PLCXD3: variants seen among roughly 807,000 people sequenced by gnomAD.
The protein encoded by PLCXD3 is phosphatidylinositol specific phospholipase C X domain containing 3, also known as PI-PLC X domain-containing protein 3.
PLCXD3 carries 19 observed loss-of-function variants against 25.5 expected under a neutral mutation model. That is an observed-to-expected ratio of 0.75 (90% CI 0.52 to 1.09). The LOEUF is 1.09. PLCXD3 is among the 50% of genes least tolerant of loss of function. The probability of loss-of-function intolerance (pLI) is 0.00; values close to 1 mark genes in which losing one functional copy is unlikely to be tolerated. For synonymous variants in PLCXD3, 174 were observed against 137.6 expected (o/e 1.26, Z -1.85); for missense variants, 411 against 388.1 (o/e 1.06, Z -0.50).
intron 1 of PLCXD3, among the ~76,000 whole-genome samples, chr5:41,387,893 G>T (rs1745688447): frequency 6.6e-6 from 1 of 151,966 alleles, no homozygotes; most frequent in South Asian, 2.1e-4. Flanking sequence ...GATTTTTTAG[G>T]CACTATTGTG....
intron 1 of PLCXD3, among the ~76,000 whole-genome samples, chr5:41,389,944 A>G (rs1157697009): frequency 6.6e-6 from 1 of 152,136 alleles, no homozygotes; most frequent in Admixed American, 6.5e-5. Context: ...TGCCACCACA[A>G]TCAAGATACA....
At chr5:41,341,439 C>T (rs1288514179) in intron 2 of PLCXD3, among the ~76,000 whole-genome samples, 1 of 152,130 alleles carries the variant, frequency 6.6e-6, no homozygotes, top group Non-Finnish European at 1.5e-5. Context: ...GATATAATCA[C>T]GACTATGAAT....
chr5:41,429,561 G>A (rs985716483), intron 1 of PLCXD3, among the ~76,000 whole-genome samples: 10 of 152,192 alleles, frequency 6.6e-5, no homozygotes, highest in South Asian at 2.1e-4. Context: ...GGATTTCTAC[G>A]TCACTGAATT....
At chr5:41,392,026 A>T (rs1041757769) in intron 1 of PLCXD3, among the ~76,000 whole-genome samples, 1 of 152,176 alleles carries the variant, frequency 6.6e-6, no homozygotes, top group Non-Finnish European at 1.5e-5. Flanking sequence ...GTGCCGGCTC[A>T]GCTGCAACAC....
intron 2 of PLCXD3, among the ~76,000 whole-genome samples, chr5:41,352,663 C>T (rs1744497080): frequency 1.3e-5 from 2 of 152,266 alleles, no homozygotes; most frequent in Non-Finnish European, 2.9e-5. Flanking sequence ...TTTTTAAGAC[C>T]TAGTTGTCTT....
chr5:41,316,651 T>C (rs574085844), intron 2 of PLCXD3, among the ~76,000 whole-genome samples: 6 of 152,186 alleles, frequency 3.9e-5, no homozygotes, highest in African/African-American at 1.4e-4. Flanking sequence ...AGTCCCAGGC[T>C]AGGCAGCATC....
intron 1 of PLCXD3, among the ~76,000 whole-genome samples, chr5:41,461,931 A>G (rs2150517212): frequency 6.6e-6 from 1 of 152,086 alleles, no homozygotes; most frequent in Admixed American, 6.6e-5. Context: ...AATCTACTCA[A>G]CAAGCATGTG....
intron 1 of PLCXD3, among the ~76,000 whole-genome samples, chr5:41,386,305 T>C (rs781357535): frequency 6.6e-6 from 1 of 152,168 alleles, no homozygotes; most frequent in African/African-American, 2.4e-5. Context: ...CATGCTGTTA[T>C]GGATGATCTG....
At chr5:41,369,977 A>G (rs1488127003) in intron 2 of PLCXD3, among the ~76,000 whole-genome samples, 2 of 152,176 alleles carry the variant, frequency 1.3e-5, no homozygotes, top group African/African-American at 4.8e-5. Flanking sequence ...AGCATTCACT[A>G]ATGAAATCAC....
At chr5:41,403,659 G>GT (rs1286328639) in intron 1 of PLCXD3, among the ~76,000 whole-genome samples, 2 of 111,524 alleles carry the variant, frequency 1.8e-5, no homozygotes, top group East Asian at 2.2e-4. Flanking sequence ...GCGGTGTTTG[G>GT]TTTTTTGTTC....
Position 41,327,650 on chromosome 5 carries a change from T to C in PLCXD3, c.813-13880A>G, listed in dbSNP as rs554589242. ...ATATTTCTAAGTGAGTTATGTAATC[T>C]GAAGAGATAATTAAATTCCCTTTGA... On this transcript the variant is annotated intron_variant, in intron 2 of 2. Coordinates refer to ENST00000377801, the MANE Select transcript of PLCXD3 (RefSeq NM_001005473.3). Among the ~76,000 whole-genome samples, 12 of 152,346 alleles carry C rather than the reference T, an allele frequency of 7.9e-5. No homozygotes were observed. The South Asian group carries it at 2.1e-3, about 26-fold the overall frequency.
chr5:41,437,015 G>C (rs967297139), intron 1 of PLCXD3, among the ~76,000 whole-genome samples: 3 of 152,212 alleles, frequency 2.0e-5, no homozygotes, highest in Non-Finnish European at 4.4e-5. Flanking sequence ...CATGGGGTTA[G>C]AGAGGAGACC....
At chr5:41,429,209 G>C (rs1226566354) in intron 1 of PLCXD3, among the ~76,000 whole-genome samples, 8 of 151,864 alleles carry the variant, frequency 5.3e-5, no homozygotes, top group Non-Finnish European at 1.2e-4. Context: ...GAAGTCAATG[G>C]CTCCATGATC....
intron 1 of PLCXD3, among the ~76,000 whole-genome samples, chr5:41,510,173 A>C (rs1739010109): frequency 6.6e-6 from 1 of 152,138 alleles, no homozygotes; most frequent in South Asian, 2.1e-4. Context: ...AGTCCTCCGC[A>C]TACAACCTGC....
At chr5:41,409,478 T>A (rs1057074856) in intron 1 of PLCXD3, among the ~76,000 whole-genome samples, 27 of 152,224 alleles carry the variant, frequency 1.8e-4, no homozygotes, top group Non-Finnish European at 4.0e-4. Flanking sequence ...TTAAATGTCA[T>A]CTTCTTAAAT....
chr5:41,464,314 A>T (rs181127882), intron 1 of PLCXD3, among the ~76,000 whole-genome samples: 20 of 152,222 alleles, frequency 1.3e-4, no homozygotes, highest in African/African-American at 4.8e-4. Context: ...AGAAATAAAC[A>T]TCAGTGAGTT....
intron 1 of PLCXD3, among the ~76,000 whole-genome samples, chr5:41,435,535 T>A (rs923000108): frequency 6.6e-6 from 1 of 152,116 alleles, no homozygotes; most frequent in African/African-American, 2.4e-5. Context: ...GGGAAAGGTT[T>A]TGAGTTTGAG....
intron 1 of PLCXD3, among the ~76,000 whole-genome samples, chr5:41,386,656 C>G (rs919231886): frequency 2.0e-5 from 3 of 152,004 alleles, no homozygotes; most frequent in African/African-American, 4.8e-5. Flanking sequence ...CAGACAAGCT[C>G]TTAAAAGAGA....
chr5:41,414,279 G>A (rs960505994), intron 1 of PLCXD3, among the ~76,000 whole-genome samples: 1 of 151,858 alleles, frequency 6.6e-6, no homozygotes, highest in African/African-American at 2.4e-5. Context: ...TTGTTGCCCA[G>A]GCTGGAGTGC....
Sources: gnomAD v4.1 joint callset for allele counts (sites outside exome capture counted in the v4.1 genomes callset) on GRCh38, gnomAD v4.1.1 for gene constraint, MANE v1.5 for transcripts, NCBI Gene and HGNC (gene_info 2026-07-23, HGNC 2026-07-21) for gene names.